The following LRMDA variants were observed in gnomAD, a reference collection of about 807,000 sequenced individuals.
LRMDA encodes the protein leucine-rich melanocyte differentiation-associated protein.
Under a neutral mutation model 29.8 loss-of-function variants are expected in LRMDA, and 18 were observed. That is an observed-to-expected ratio of 0.60 (90% CI 0.42 to 0.90). The LOEUF (loss-of-function observed/expected upper bound fraction) is 0.90. Among genes scored for constraint, LRMDA ranks in the 40% least tolerant of loss-of-function variants. LRMDA has a pLI of 0.00. For missense variants in LRMDA, 273 were observed against 273.9 expected (o/e 1.00, Z 0.02); for synonymous variants, 125 against 109.4 (o/e 1.14, Z -0.89).
intron 5 of LRMDA, among the ~76,000 whole-genome samples, chr10:76,118,840 C>CTTTTTT (rs962279433): frequency 2.0e-4 from 9 of 45,998 alleles, no homozygotes; most frequent in African/African-American, 2.3e-4. Flanking sequence ...TGCAAATACA[C>CTTTTTT]TTTTTTTTTT....
At chr10:75,744,157 T>G (rs991707303) in intron 2 of LRMDA, among the ~76,000 whole-genome samples, 2 of 152,186 alleles carry the variant, frequency 1.3e-5, no homozygotes, top group Non-Finnish European at 1.5e-5. Context: ...TTTTAGAGAA[T>G]TTTGAGTAGC....
chr10:75,962,610 T>C (rs552318177), intron 2 of LRMDA, among the ~76,000 whole-genome samples: 1 of 152,362 alleles, frequency 6.6e-6, no homozygotes, highest in African/African-American at 2.4e-5. Context: ...GCAAGCCTAG[T>C]AAATGATCGC....
At chr10:76,076,529 A>G (rs576336362) in intron 5 of LRMDA, among the ~76,000 whole-genome samples, 9 of 152,206 alleles carry the variant, frequency 5.9e-5, no homozygotes, top group African/African-American at 1.9e-4. Flanking sequence ...TATCCTCATG[A>G]GAGGATAAGA....
At chr10:76,173,328 GA>G (rs1300486898) in intron 5 of LRMDA, among the ~76,000 whole-genome samples, 2 of 151,130 alleles carry the variant, frequency 1.3e-5, no homozygotes, top group Admixed American at 1.3e-4. Flanking sequence ...ATCAGAAGAA[GA>G]AAAAAAATAA....
chr10:75,724,077 G>C (rs548184030), intron 2 of LRMDA, among the ~76,000 whole-genome samples: 1 of 152,070 alleles, frequency 6.6e-6, no homozygotes, highest in South Asian at 2.1e-4. Flanking sequence ...TTTTTGCCAT[G>C]AACCATAGAT....
intron 2 of LRMDA, among the ~76,000 whole-genome samples, chr10:75,565,399 T>G (rs1450114271): frequency 6.6e-6 from 1 of 152,242 alleles, no homozygotes; most frequent in African/African-American, 2.4e-5. Flanking sequence ...TACCTGAAAT[T>G]GTTGCTCTTG....
At chr10:76,204,542 C>T (rs922625054) in intron 5 of LRMDA, among the ~76,000 whole-genome samples, 23 of 152,200 alleles carry the variant, frequency 1.5e-4, no homozygotes, top group African/African-American at 4.8e-4. Flanking sequence ...TTTTAAATAG[C>T]AAATGAGGAA....
Position 75,541,378 on chromosome 10 carries a change from T to C in LRMDA, c.131+102884T>C, listed in dbSNP as rs142775507. Among the ~76,000 whole-genome samples, 1,041 of 150,754 alleles carry C rather than the reference T, an allele frequency of 6.9e-3. 5 individuals carry two copies. Among genetic ancestry groups the C allele is most frequent in the Non-Finnish European group, 0.012 (798 of 67,786 alleles). On this transcript the variant is annotated intron_variant, in intron 2 of 6. Coordinates refer to ENST00000611255, the MANE Select transcript of LRMDA (RefSeq NM_001305581.2). ...TATTTGTTTTTAAGTCATCTTTTAA[T>C]ACTCCACAAATCTTCCCCACAAACT...
At chr10:76,452,233 G>A (rs1842414409) in intron 6 of LRMDA, among the ~76,000 whole-genome samples, 1 of 152,082 alleles carries the variant, frequency 6.6e-6, no homozygotes. Context: ...CATTCAATTT[G>A]GATGTAGACA....
intron 2 of LRMDA, among the ~76,000 whole-genome samples, chr10:75,864,771 A>G (rs775373602): frequency 3.2e-4 from 48 of 152,160 alleles, no homozygotes; most frequent in Non-Finnish European, 5.3e-4. Context: ...TCCTTTCTAT[A>G]TATTCATTTT....
chr10:75,646,438 T>G (rs577845799), intron 2 of LRMDA, among the ~76,000 whole-genome samples: 1 of 152,186 alleles, frequency 6.6e-6, no homozygotes, highest in Non-Finnish European at 1.5e-5. Context: ...TAATATCACT[T>G]TGGTAGTTGT....
At chr10:76,508,932 T>G (rs1842983896) in intron 6 of LRMDA, among the ~76,000 whole-genome samples, 1 of 152,164 alleles carries the variant, frequency 6.6e-6, no homozygotes, top group Admixed American at 6.5e-5. Context: ...TAAATTTAAT[T>G]TCTCTCTGGG....
chr10:75,764,928 CGTGTGTGTGTGTGTGTGTGTGTGT>C (rs57422251), intron 2 of LRMDA, among the ~76,000 whole-genome samples: 5 of 142,772 alleles, frequency 3.5e-5, no homozygotes, highest in Non-Finnish European at 7.7e-5. Flanking sequence ...GCAAGAGACA[CGTGTGTGTGTGTGTGTGTGTGTGT>C]GTGTGTGTGT....
intron 6 of LRMDA, among the ~76,000 whole-genome samples, chr10:76,411,448 G>A (rs925686279): frequency 6.6e-6 from 1 of 152,172 alleles, no homozygotes; most frequent in East Asian, 1.9e-4. Context: ...ACACCTTACA[G>A]CCATGTTTCA....
At chr10:75,953,798 C>G (rs1846618224) in intron 2 of LRMDA, among the ~76,000 whole-genome samples, 2 of 152,224 alleles carry the variant, frequency 1.3e-5, no homozygotes, top group East Asian at 3.9e-4. Flanking sequence ...AGAATGGCCC[C>G]CGCAGTATTC....
At chr10:75,583,569 G>A (rs1840620214) in intron 2 of LRMDA, among the ~76,000 whole-genome samples, 1 of 152,108 alleles carries the variant, frequency 6.6e-6, no homozygotes, top group East Asian at 1.9e-4. Context: ...TGTCCTATCA[G>A]GCCTCACCTC....
chr10:76,010,088 G>C (rs539124675), intron 2 of LRMDA, among the ~76,000 whole-genome samples: 1 of 152,002 alleles, frequency 6.6e-6, no homozygotes, highest in Non-Finnish European at 1.5e-5. Flanking sequence ...GCCTTTTCTC[G>C]CACAACAGTC....
chr10:75,481,994 C>T (rs567217720), intron 2 of LRMDA, among the ~76,000 whole-genome samples: 81 of 152,290 alleles, frequency 5.3e-4, no homozygotes, highest in African/African-American at 1.9e-3. Flanking sequence ...CAAATCTCTC[C>T]GTTAGGTGTT....
intron 2 of LRMDA, among the ~76,000 whole-genome samples, chr10:75,797,580 A>C (rs1843674258): frequency 6.6e-6 from 1 of 152,166 alleles, no homozygotes; most frequent in South Asian, 2.1e-4. Context: ...AGATAACCAA[A>C]ACAAGTTACT....
Sources: gnomAD v4.1 joint callset for allele counts (sites outside exome capture counted in the v4.1 genomes callset) on GRCh38, gnomAD v4.1.1 for gene constraint, MANE v1.5 for transcripts, NCBI Gene and HGNC (gene_info 2026-07-23, HGNC 2026-07-21) for gene names.